Variants in MYOM1 observed in about 807,000 individuals in gnomAD.
MYOM1 encodes myomesin-1.
Under a neutral mutation model 205.3 loss-of-function variants are expected in MYOM1, and 164 were observed. That is an observed-to-expected ratio of 0.80 (90% confidence interval 0.70 to 0.91). The LOEUF is 0.91. Among genes scored for constraint, MYOM1 ranks in the 40% least tolerant of loss-of-function variants. The pLI is 0.00. For missense variants in MYOM1, 2,011 were observed against 2,127.3 expected, an observed-to-expected ratio of 0.95 and a Z score of 1.08; for synonymous variants, 772 against 789.4, an observed-to-expected ratio of 0.98 and a Z score of 0.37.
At chr18:3,136,941 T>C (rs977706501) in intron 14 of MYOM1, among the ~76,000 whole-genome samples, 2 of 151,978 alleles carry the variant, frequency 1.3e-5, no homozygotes, top group Non-Finnish European at 2.9e-5. Context: ...CAGTATTTTT[T>C]TTCTTTCTTT....
In MYOM1 at chr18:3,134,955, A is replaced by ATTTT. The variant is rs368505930; in HGVS notation, c.2210-135_2210-132dup. 3,628 of 717,494 alleles carry ATTTT rather than the reference A, an allele frequency of 5.1e-3. 3 individuals are homozygous for ATTTT. The highest frequency in any genetic ancestry group is 8.4e-3 in the East Asian group (260 of 30,918). 44.4% of individuals were successfully genotyped at this position (717,494 alleles called of 1,614,324 possible). Reference sequence around the variant, plus strand: ...AAAAGAACAGCTGCTTTATTTTACGATTTTTTTTTTTGAGACTGAGTCTCG... The same window carrying ATTTT: ...AAAAGAACAGCTGCTTTATTTTACGATTTTTTTTTTTTTTTGAGACTGAGTCTCG... On this transcript the variant is annotated intron_variant, in intron 15 of 37. Transcript: ENST00000356443.
At chr18:3,187,383 T>C in intron 5 of MYOM1, 97 bp downstream of exon 5, 1 of 1,332,306 alleles carries the variant, frequency 7.5e-7, no homozygotes, top group Non-Finnish European at 1.0e-6. Flanking sequence ...GTAGATGTCT[T>C]CATTGACTCT....
intron 37 of MYOM1, among the ~76,000 whole-genome samples, chr18:3,070,433 G>T (rs1261331887): frequency 4.6e-5 from 7 of 152,132 alleles, no homozygotes; most frequent in African/African-American, 1.7e-4. Context: ...TTACAGGCAT[G>T]AGCCACTGCA....
At chr18:3,207,837 C>T (rs1262362598) in intron 2 of MYOM1, among the ~76,000 whole-genome samples, 1 of 152,196 alleles carries the variant, frequency 6.6e-6, no homozygotes, top group Non-Finnish European at 1.5e-5. Flanking sequence ...TGCCTTCTCA[C>T]AGCATGATTC....
chr18:3,239,917 A>G, the MYOM1 span, among the ~76,000 whole-genome samples: 1 of 152,188 alleles, frequency 6.6e-6, no homozygotes, highest in Non-Finnish European at 1.5e-5. Flanking sequence ...CAAAGAATTC[A>G]TATATTTATT....
intron 10 of MYOM1, 68 bp from the exon 11 acceptor site, chr18:3,155,156 C>T (rs774653599): frequency 3.3e-5 from 48 of 1,474,866 alleles, no homozygotes; most frequent in Middle Eastern, 2.0e-4. Context: ...CAGGTCTCAG[C>T]GCACACGCTT....
chr18:3,169,610 C>A lies in MYOM1; in HGVS notation c.1175-629G>T, dbSNP rs370803588. On this transcript the variant is annotated intron_variant, in intron 8 of 37. Coordinates refer to ENST00000356443, the MANE Select transcript of MYOM1 (RefSeq NM_003803.4). ...GCAAATCAAAATGACAATGAGATATCATTTCACCCCAATTAAAATGTATCC... is the reference window on the plus strand; with the variant it reads ...GCAAATCAAAATGACAATGAGATATAATTTCACCCCAATTAAAATGTATCC... Among the ~76,000 whole-genome samples the A allele has an allele frequency of 5.3e-5, 8 of 152,260 alleles. No homozygotes were observed. The South Asian group carries it at 8.3e-4, about 16-fold the overall frequency.
At chr18:3,235,624 C>G in the MYOM1 span, among the ~76,000 whole-genome samples, 1 of 152,138 alleles carries the variant, frequency 6.6e-6, no homozygotes, top group Non-Finnish European at 1.5e-5. Flanking sequence ...CTATAATGTG[C>G]CAACTACTCT....
intron 2 of MYOM1, among the ~76,000 whole-genome samples, chr18:3,194,213 G>A (rs532249933): frequency 6.6e-6 from 1 of 152,246 alleles, no homozygotes; most frequent in Admixed American, 6.5e-5. Context: ...CCCACTTAAA[G>A]TTTCAAGGGA....
chr18:3,175,909 G>A lies in MYOM1; in HGVS notation c.1022+133C>T, dbSNP rs2080632079. The A allele has an allele frequency of 1.0e-5, 6 of 588,522 alleles. No homozygotes were observed. In the South Asian group the frequency reaches 1.2e-4, roughly 12 times the overall value. The allele number at this position is 588,522 out of a possible 1,614,324, so 36.5% of individuals were successfully genotyped here. A position where few individuals can be genotyped will look rare whatever the true frequency, so the allele number is the denominator to read the frequency against. ...CACTTTCAGGTGTGCACCCAGAGAA[G>A]CACCGTATACGAATGTCCCTCAGTG... is the stretch of plus-strand genomic sequence containing the variant. On this transcript the variant is annotated intron_variant, in intron 6 of 37. Transcript: ENST00000356443.
chr18:3,238,375 G>T, the MYOM1 span, among the ~76,000 whole-genome samples: 1 of 152,108 alleles, frequency 6.6e-6, no homozygotes, highest in Non-Finnish European at 1.5e-5. Flanking sequence ...CCGACCTGGG[G>T]GAGGGGGGAG....
At position 3,188,805 on chromosome 18, in the gene MYOM1, C is replaced by T; in HGVS notation, c.714G>A (p.Lys238=). 6.2e-7 allele frequency: 1 copy of T among 1,608,238 alleles called. No individual in the cohort carries two copies. The highest frequency in any genetic ancestry group is 8.5e-7 in the Non-Finnish European group (1 of 1,175,640). ...CTCGAATCACAACTTTCCTTGACTT[C>T]TTTTCAGAAGTTTCTTCCTGTTGAA... ...SALQQEETSE[K]KSRKVVIREK... Residue 238 remains lysine, a synonymous_variant, in exon 4 of 38, where the codon AAG becomes AAA. Transcript: ENST00000356443.
chr18:3,238,703 C>G, the MYOM1 span, among the ~76,000 whole-genome samples: 1 of 152,106 alleles, frequency 6.6e-6, no homozygotes, highest in South Asian at 2.1e-4. Flanking sequence ...GGTTGGAAGT[C>G]CAATGTGGAT....
chr18:3,239,919 A>G, the MYOM1 span, among the ~76,000 whole-genome samples: 4 of 152,248 alleles, frequency 2.6e-5, no homozygotes, highest in African/African-American at 9.6e-5. Flanking sequence ...AAGAATTCAT[A>G]TATTTATTAG....
chr18:3,227,040 C>T, the MYOM1 span, among the ~76,000 whole-genome samples: 1 of 152,334 alleles, frequency 6.6e-6, no homozygotes, highest in South Asian at 2.1e-4. Flanking sequence ...GGCCAGGGAA[C>T]TGGAGGTGAG....
In MYOM1 at chr18:3,100,473, G is replaced by A. The variant is rs111442936; in HGVS notation, c.3576-47C>T. 1,390 of 1,382,434 alleles carry A rather than the reference G, an allele frequency of 1.0e-3. 13 individuals carry two copies. The African/African-American group carries it at 0.018, about 18-fold the overall frequency. The allele number at this position is 1,382,434 out of a possible 1,614,324, so 85.6% of individuals were successfully genotyped here. A position where few individuals can be genotyped will look rare whatever the true frequency, so the allele number is the denominator to read the frequency against. On this transcript the variant is annotated intron_variant, in intron 23 of 37. Transcript: ENST00000356443. ...TTAGAAATGAGGCTGTGTGGGATCT[G>A]TGGGCCTGTGTTTCCCCTGAATCTG...
chr18:3,197,144 TTTTTTTTTTTGAGACGGAGTCTCACTC>T (rs1343500295), intron 2 of MYOM1, among the ~76,000 whole-genome samples: 4 of 151,480 alleles, frequency 2.6e-5, no homozygotes, highest in Non-Finnish European at 4.4e-5. Flanking sequence ...TCCTTTTTTT[TTTTTTTTTTTGAGACGGAGTCTCACTC>T]TGTCACCCAG....
chr18:3,133,813 A>G (rs941027104), intron 16 of MYOM1, among the ~76,000 whole-genome samples: 2 of 152,208 alleles, frequency 1.3e-5, no homozygotes, highest in Non-Finnish European at 2.9e-5. Flanking sequence ...ATTGCATCTA[A>G]TGTGTTCAAT....
At position 3,067,012 on chromosome 18, in the gene MYOM1, C is replaced by T. The variant is rs887342163; in HGVS notation, c.*250G>A. ...AATGTCCCTCCAACTTCATTCAAGT[C>T]TTCTCCTTAAAACTGTTTCCTAATC... On this transcript the variant is annotated 3_prime_UTR_variant, in exon 38 of 38. Coordinates refer to ENST00000356443, the MANE Select transcript of MYOM1 (RefSeq NM_003803.4). The T allele has an allele frequency of 4.0e-5, 19 of 474,254 alleles. No individual in the cohort carries two copies. Among genetic ancestry groups the T allele is most frequent in the African/African-American group, 3.3e-4 (17 of 51,594 alleles). The allele number at this position is 474,254 out of a possible 1,614,324, so 29.4% of individuals were successfully genotyped here.
Sources: allele counts gnomAD v4.1 joint callset (sites outside exome capture counted in the v4.1 genomes callset), GRCh38; gene constraint gnomAD v4.1.1; transcripts MANE v1.5; gene names NCBI Gene and HGNC (gene_info 2026-07-23, HGNC 2026-07-21).